Variants in CAVIN1 observed in about 807,000 individuals in gnomAD.
CAVIN1 encodes the protein caveolae-associated protein 1.
A neutral mutation model predicts 24.0 loss-of-function variants in CAVIN1; 16 were observed. That is an observed-to-expected ratio of 0.67 (90% CI 0.45 to 1.01). CAVIN1 has a LOEUF of 1.01. Ranked by LOEUF, CAVIN1 falls within the 50% of genes least tolerant of loss-of-function variation. The pLI is 0.00. For missense variants in CAVIN1, 510 were observed against 551.7 expected, an observed-to-expected ratio of 0.92 and a Z score of 0.76; for synonymous variants, 256 against 256.4, an observed-to-expected ratio of 1.00 and a Z score of 0.02.
rs1410892029 is a variant in CAVIN1 at position 42,403,551 on chromosome 17, C to CCA, written c.*1134_*1135dup. ...AAATGGTCCTGCTGCCCATGGAGAA[C>CCA]CACAGTAAGATAGATTTCTCATGCA... is the stretch of plus-strand genomic sequence containing the variant. On this transcript the variant is annotated 3_prime_UTR_variant, in exon 2 of 2. Transcript: ENST00000357037. 2.6e-5 allele frequency: 4 copies of CCA among 152,828 alleles called. No individual in the cohort carries two copies. Among genetic ancestry groups the CCA allele is most frequent in the Admixed American group, 6.5e-5 (1 of 15,272 alleles). 9.5% of individuals were successfully genotyped at this position (152,828 alleles called of 1,614,324 possible). A position where few individuals can be genotyped will look rare whatever the true frequency, so the allele number is the denominator to read the frequency against.
intron 1 of CAVIN1, among the ~76,000 whole-genome samples, chr17:42,413,009 G>A (rs1331308345): frequency 2.0e-5 from 3 of 151,474 alleles, no homozygotes; most frequent in Non-Finnish European, 4.4e-5. Flanking sequence ...TTGGTTCACC[G>A]CAACCTCCGC....
In CAVIN1 at chr17:42,405,211, G is replaced by C; in HGVS notation, c.649C>G (p.Arg217Gly). 6.2e-7 allele frequency: 1 copy of C among 1,613,972 alleles called. No individual in the cohort carries two copies. The highest frequency in any genetic ancestry group is 8.5e-7 in the Non-Finnish European group (1 of 1,179,992). The change falls in exon 2 of 2, where the codon CGC (arginine) becomes GGC (glycine). Residue 217 changes from arginine (R) to glycine (G), a missense_variant. By Grantham distance (125) the Arg-to-Gly change is moderately radical. Transcript: ENST00000357037. ...CCGCTGCGCTTGATACGCTCTGCGC[G>C]GGACTCCTCAATAACCTCCTCAACC... The part of the protein sequence containing the change: ...VEVEEVIEES[R>G]AERIKRSGLR...
At chr17:42,413,566 G>GAAAAAAAAAAAAAA (rs60085741) in intron 1 of CAVIN1, among the ~76,000 whole-genome samples, 8 of 56,970 alleles carry the variant, frequency 1.4e-4, no homozygotes, top group Non-Finnish European at 1.8e-4. Context: ...CTCAAAAAGG[G>GAAAAAAAAAAAAAA]AAAAAAAAAA....
chr17:42,405,281 C>T lies in CAVIN1; in HGVS notation c.579G>A (p.Glu193=). The change falls in exon 2 of 2, where the codon GAG becomes GAA. Residue 193 remains glutamate, a synonymous_variant. Coordinates refer to ENST00000357037, the MANE Select transcript of CAVIN1 (RefSeq NM_012232.6). ...GEELGEGERP[E]EDAAALELSS... ...AAAGCTCCAGCGCCGCTGCGTCCTC[C>T]TCGGGCCGCTCGCCCTCGCCCAGCT... The T allele has an allele frequency of 6.2e-7, 1 of 1,612,454 alleles. No homozygotes were observed.
At chr17:42,415,688 G>T (rs2085507547) in intron 1 of CAVIN1, among the ~76,000 whole-genome samples, 1 of 151,238 alleles carries the variant, frequency 6.6e-6, no homozygotes, top group Non-Finnish European at 1.5e-5. Context: ...TTCCAGCCTG[G>T]GCAACAGAGT....
At position 42,422,702 on chromosome 17, in the gene CAVIN1, C is replaced by T. The variant is rs1360077920; in HGVS notation, c.396G>A (p.Ala132=). 1 of 1,608,420 alleles carries T rather than the reference C, an allele frequency of 6.2e-7. No homozygotes were observed. Among genetic ancestry groups the T allele is most frequent in the Admixed American group, 1.7e-5 (1 of 59,138 alleles). Residue 132 remains alanine, a synonymous_variant, in exon 1 of 2, where the codon GCG becomes GCA. Coordinates refer to ENST00000357037, the MANE Select transcript of CAVIN1 (RefSeq NM_012232.6). ...TGACCTCCAGCTTCTTGATCTGCCC[C>T]GCCTGGCGCTCCAGGCTGCCGCGCA... ...KTVRGSLERQ[A]GQIKKLEVNE... is the part of the protein sequence containing the mutation.
In CAVIN1 at chr17:42,405,052, G is replaced by A; in HGVS notation, c.808C>T (p.Leu270=). The change falls in exon 2 of 2, where the codon CTG becomes TTG. Residue 270 remains leucine, a synonymous_variant. Coordinates refer to ENST00000357037, the MANE Select transcript of CAVIN1 (RefSeq NM_012232.6). ...KENLEKTRHT[L]EKRMNKLGTR... ...CCCAGCTTGTTCATGCGCTTCTCCAGGGTGTGCCGCGTCTTCTCCAGGTTT... is the reference window on the plus strand; with the variant it reads ...CCCAGCTTGTTCATGCGCTTCTCCAAGGTGTGCCGCGTCTTCTCCAGGTTT... 1 of 1,614,180 alleles carries A rather than the reference G, an allele frequency of 6.2e-7. No homozygotes were observed. Among genetic ancestry groups the A allele is most frequent in the Non-Finnish European group, 8.5e-7 (1 of 1,180,014 alleles).
At chr17:42,418,584 A>C (rs12948909) in intron 1 of CAVIN1, among the ~76,000 whole-genome samples, 37,209 of 151,988 alleles carry the variant, frequency 0.24, 4,820 homozygotes, top group South Asian at 0.41. Context: ...CTACTCTCCA[A>C]ATTGTTGCCT....
At chr17:42,406,710 G>T (rs760018050) in intron 1 of CAVIN1, among the ~76,000 whole-genome samples, 10 of 152,144 alleles carry the variant, frequency 6.6e-5, no homozygotes, top group Admixed American at 2.6e-4. Context: ...TAGAGATGGA[G>T]AACTGTGGTC....
At chr17:42,409,048 T>C (rs144524854) in intron 1 of CAVIN1, among the ~76,000 whole-genome samples, 2,578 of 152,202 alleles carry the variant, frequency 0.017, 73 homozygotes, top group African/African-American at 0.059. Flanking sequence ...CACCTCGGCC[T>C]CCCAAAGTGC....
chr17:42,406,126 AC>A (rs2085445222), intron 1 of CAVIN1, among the ~76,000 whole-genome samples: 1 of 152,150 alleles, frequency 6.6e-6, no homozygotes, highest in Admixed American at 6.5e-5. Context: ...TGGTCGTCCA[AC>A]CCTGTCCTGA....
chr17:42,406,152 TAG>T (rs2145472940), intron 1 of CAVIN1, among the ~76,000 whole-genome samples: 1 of 152,188 alleles, frequency 6.6e-6, no homozygotes, highest in Non-Finnish European at 1.5e-5. Context: ...TTTCCACCCG[TAG>T]ATGATATTAA....
At chr17:42,410,284 G>C (rs139804936) in intron 1 of CAVIN1, among the ~76,000 whole-genome samples, 1 of 152,194 alleles carries the variant, frequency 6.6e-6, no homozygotes, top group East Asian at 1.9e-4. Flanking sequence ...CAGAGACCCA[G>C]GATCTGCTTA....
intron 1 of CAVIN1, among the ~76,000 whole-genome samples, chr17:42,416,677 A>G (rs544638351): frequency 6.6e-6 from 1 of 151,952 alleles, no homozygotes; most frequent in East Asian, 1.9e-4. Flanking sequence ...ACCCCTAAAA[A>G]TACCCTCCCT....
At chr17:42,406,879 CT>C (rs547654667) in intron 1 of CAVIN1, among the ~76,000 whole-genome samples, 38 of 152,170 alleles carry the variant, frequency 2.5e-4, no homozygotes, top group Non-Finnish European at 4.4e-4. Context: ...GACATTTCTT[CT>C]GGTTGTGACT....
At chr17:42,416,257 A>T (rs981846890) in intron 1 of CAVIN1, among the ~76,000 whole-genome samples, 2 of 152,126 alleles carry the variant, frequency 1.3e-5, no homozygotes, top group East Asian at 3.8e-4. Flanking sequence ...AATCCCAGCT[A>T]CTTAGGACGG....
At chr17:42,406,377 T>TC (rs1567776945) in intron 1 of CAVIN1, among the ~76,000 whole-genome samples, 2 of 148,756 alleles carry the variant, frequency 1.3e-5, no homozygotes, top group Non-Finnish European at 3.0e-5. Context: ...AGCTATTTCT[T>TC]TTTTTTTTTT....
chr17:42,404,717 G>T lies in CAVIN1; in HGVS notation c.1143C>A (p.Ala381=). 3 of 1,488,642 alleles carry T rather than the reference G, an allele frequency of 2.0e-6. No homozygotes were observed. The highest frequency in any genetic ancestry group is 2.7e-6 in the Non-Finnish European group (3 of 1,125,966). The allele number at this position is 1,488,642 out of a possible 1,614,324, so 92.2% of individuals were successfully genotyped here. The part of the protein sequence containing the change: ...ALLEITEESD[A]VLVDKSDSD The stretch of plus-strand genomic sequence containing the variant: ...CGCTGTCGCTCTTGTCCACCAGCAC[G>T]GCGTCCGACTCCTCGGTGATCTCCA... The change falls in exon 2 of 2, where the codon GCC becomes GCA. Residue 381 remains alanine, a synonymous_variant. Transcript: ENST00000357037.
At chr17:42,406,375 C>A (rs1049902675) in intron 1 of CAVIN1, among the ~76,000 whole-genome samples, 3 of 140,952 alleles carry the variant, frequency 2.1e-5, no homozygotes, top group Non-Finnish European at 3.1e-5. Context: ...CAAGCTATTT[C>A]TTTTTTTTTT....
Sources: allele counts gnomAD v4.1 joint callset (sites outside exome capture counted in the v4.1 genomes callset), GRCh38; gene constraint gnomAD v4.1.1; transcripts MANE v1.5; gene names NCBI Gene and HGNC (gene_info 2026-07-23, HGNC 2026-07-21).